TRIM61: variants seen among roughly 807,000 people sequenced by gnomAD.
TRIM61 encodes tripartite motif containing 61.
Under a neutral mutation model 14.2 loss-of-function variants are expected in TRIM61, and 1 was observed. The ratio of observed to expected loss-of-function variants is 0.07; its 90% confidence interval spans 0.03 to 0.33. The LOEUF (loss-of-function observed/expected upper bound fraction) is 0.33. Ranked by LOEUF, TRIM61 falls within the 10% of genes least tolerant of loss-of-function variation. The pLI is 0.99. For synonymous variants in TRIM61, 8 were observed against 71.6 expected (o/e 0.11, Z 4.49); for missense variants, 19 against 202.2 (o/e 0.09, Z 5.49).
At chr4:164,957,214 G>A in intron 3 of TRIM61, 1 of 1,614,024 alleles carries the variant, frequency 6.2e-7, no homozygotes. Context: ...GACATCCAGG[G>A]ACGACCACAT....
chr4:164,975,337 A>C (rs1732458435), intron 2 of TRIM61, among the ~76,000 whole-genome samples: 1 of 152,210 alleles, frequency 6.6e-6, no homozygotes, highest in Non-Finnish European at 1.5e-5. Flanking sequence ...TTAAGAAAAC[A>C]TATACAAAAA....
At chr4:164,971,916 C>T (rs893185953) in intron 2 of TRIM61, among the ~76,000 whole-genome samples, 16 of 152,170 alleles carry the variant, frequency 1.1e-4, no homozygotes, top group African/African-American at 3.1e-4. Context: ...AACCCAACGA[C>T]AGTGACAGTA....
chr4:164,962,365 C>A (rs1358319356), intron 3 of TRIM61, among the ~76,000 whole-genome samples: 1 of 151,224 alleles, frequency 6.6e-6, no homozygotes. Flanking sequence ...GGACTACAGG[C>A]GCCTGCCACC....
At chr4:164,960,261 T>C (rs1310837123) in intron 3 of TRIM61, among the ~76,000 whole-genome samples, 2 of 152,126 alleles carry the variant, frequency 1.3e-5, no homozygotes, top group South Asian at 2.1e-4. Flanking sequence ...TTTCCTGTTA[T>C]GGGCTGGACA....
intron 3 of TRIM61, chr4:164,955,162 C>T (rs1352089881): frequency 1.9e-5 from 3 of 160,386 alleles, no homozygotes; most frequent in East Asian, 1.9e-4. Flanking sequence ...CTACACATAA[C>T]CTATTTGGTT....
rs369327046 is a variant in TRIM61, at chr4:164,976,725, T to G, written c.-375A>C. 6.6e-6 allele frequency: 1 copy of G among 152,374 alleles called. No homozygotes were observed. 9.4% of individuals were successfully genotyped at this position (152,374 alleles called of 1,614,324 possible). The stretch of plus-strand genomic sequence containing the variant: ...TCACCTGGAGGTCTTGGTAAAAGAT[T>G]GCCTGGGCCACATCCCCAGTTTCTG... On this transcript the variant is annotated 5_prime_UTR_variant, in exon 2 of 5. Transcript: ENST00000329314.
chr4:164,959,775 C>T (rs1426485842), intron 3 of TRIM61, among the ~76,000 whole-genome samples: 3 of 152,272 alleles, frequency 2.0e-5, no homozygotes, highest in East Asian at 3.9e-4. Context: ...ATAGCAATAA[C>T]AAACTTCAAA....
chr4:164,961,923 T>C lies in TRIM61; in HGVS notation c.526-6827A>G, dbSNP rs1363771743. On this transcript the variant is annotated intron_variant, in intron 3 of 4. Coordinates refer to ENST00000329314, the MANE Select transcript of TRIM61 (RefSeq NM_001012414.3). ...CTTACATGAACCTAGATTGCAGTTG[T>C]GTAGCTTATTGTACCTGTAAGCTAC... Among the ~76,000 whole-genome samples the C allele has an allele frequency of 2.6e-5, 4 of 152,338 alleles. 1 individual carries two copies. The South Asian group carries it at 8.3e-4, about 32-fold the overall frequency.
At chr4:164,973,028 C>T (rs1056642684) in intron 2 of TRIM61, among the ~76,000 whole-genome samples, 1 of 152,206 alleles carries the variant, frequency 6.6e-6, no homozygotes, top group Non-Finnish European at 1.5e-5. Context: ...TTTCCCTCTT[C>T]TGCACAAACC....
intron 3 of TRIM61, chr4:164,969,193 G>T: frequency 1.6e-6 from 2 of 1,244,786 alleles, no homozygotes; most frequent in African/African-American, 1.6e-5. Flanking sequence ...TTTTTAATTT[G>T]AATAAAAACA....
intron 1 of TRIM61, among the ~76,000 whole-genome samples, chr4:164,977,285 T>C (rs761709414): frequency 5.9e-5 from 9 of 152,114 alleles, no homozygotes; most frequent in South Asian, 2.1e-4. Flanking sequence ...GAAGATAACA[T>C]AGCCACTTCA....
intron 3 of TRIM61, among the ~76,000 whole-genome samples, chr4:164,960,518 G>A (rs1318592228): frequency 6.7e-6 from 1 of 150,214 alleles, no homozygotes; most frequent in Non-Finnish European, 1.5e-5. Context: ...TGGCACCACT[G>A]CACTCCAATC....
At chr4:164,962,254 T>C (rs1732153042) in intron 3 of TRIM61, among the ~76,000 whole-genome samples, 1 of 148,000 alleles carries the variant, frequency 6.8e-6, no homozygotes, top group African/African-American at 2.5e-5. Flanking sequence ...ACAGTGTTGC[T>C]CTGTCACCCA....
intron 3 of TRIM61, chr4:164,957,395 A>T: frequency 1.2e-6 from 2 of 1,614,088 alleles, no homozygotes; most frequent in Non-Finnish European, 1.7e-6. Flanking sequence ...AGGAAAAGTC[A>T]GGAAGAGAAC....
At chr4:164,956,949 C>T in intron 3 of TRIM61, 1 of 1,388,210 alleles carries the variant, frequency 7.2e-7, no homozygotes, top group Non-Finnish European at 9.5e-7. Flanking sequence ...CGTCTCTGGG[C>T]TTCGACTTCC....
At chr4:164,968,228 T>G (rs913493936) in intron 3 of TRIM61, 53 bp downstream of exon 3, 49 of 982,890 alleles carry the variant, frequency 5.0e-5, no homozygotes, top group Non-Finnish European at 5.6e-5. Context: ...AGAGTAATGA[T>G]GAATGCCTTT....
intron 3 of TRIM61, among the ~76,000 whole-genome samples, chr4:164,961,298 A>C (rs1732133056): frequency 6.6e-6 from 1 of 151,836 alleles, no homozygotes; most frequent in South Asian, 2.1e-4. Flanking sequence ...AAACTATAAA[A>C]TCAAATGGAA....
chr4:164,961,697 A>G (rs189384749), intron 3 of TRIM61, among the ~76,000 whole-genome samples: 11 of 152,306 alleles, frequency 7.2e-5, no homozygotes, highest in African/African-American at 2.4e-4. Flanking sequence ...AAAAACCCCA[A>G]AACAAGAAAA....
rs1008547580 is a variant in TRIM61 at position 164,974,721 on chromosome 4, G to GGAAAAGAAA, written c.-338+1958_-338+1966dup. 6.9e-4 allele frequency among the ~76,000 whole-genome samples: 105 copies of GGAAAAGAAA among 151,902 alleles called. 1 individual carries two copies. The highest frequency in any genetic ancestry group is 1.2e-3 in the Non-Finnish European group (83 of 67,926). ...ATGGCAAAATCCCATCTCTACAAAA[G>GGAAAAGAAA]GAAAAGAAAGAAAAGAAATAAAAAG... On this transcript the variant is annotated intron_variant, in intron 2 of 4. Transcript: ENST00000329314.
Sources: gnomAD v4.1 joint callset for allele counts (sites outside exome capture counted in the v4.1 genomes callset) on GRCh38, gnomAD v4.1.1 for gene constraint, MANE v1.5 for transcripts, NCBI Gene and HGNC (gene_info 2026-07-23, HGNC 2026-07-21) for gene names.